The following TASP1 variants were observed in gnomAD, a reference collection of about 807,000 sequenced individuals.
TASP1 encodes threonine aspartase 1.
In TASP1, 16 loss-of-function variants were observed where a neutral mutation model predicts 56.6. The observed-to-expected ratio is 0.28, with a 90% CI of 0.19 to 0.43. The LOEUF is 0.43. Among genes scored for constraint, TASP1 ranks in the 20% least tolerant of loss-of-function variants. The pLI is 1.00. For synonymous variants in TASP1, 179 were observed against 184.2 expected, an observed-to-expected ratio of 0.97 and a Z score of 0.23; for missense variants, 393 against 511.6, an observed-to-expected ratio of 0.77 and a Z score of 2.24.
rs56698233 is a variant in TASP1, at chr20:13,478,374, C to CACAT, written c.985+4852_985+4853insATGT. On this transcript the variant is annotated intron_variant, in intron 11 of 13. Coordinates refer to ENST00000337743, the MANE Select transcript of TASP1 (RefSeq NM_017714.3). ...ACACACACACACACACACACACACA[C>CACAT]GAATACTATTCAGCCACAAAAAAGA... Among the ~76,000 whole-genome samples, 1,189 of 151,520 alleles carry CACAT rather than the reference C, an allele frequency of 7.8e-3. 8 individuals carry two copies. The highest frequency in any genetic ancestry group is 0.011 in the Non-Finnish European group (714 of 67,816).
chr20:13,467,525 A>C (rs554203240), intron 11 of TASP1, among the ~76,000 whole-genome samples: 1 of 152,128 alleles, frequency 6.6e-6, no homozygotes, highest in Non-Finnish European at 1.5e-5. Context: ...ACTAGTTGTC[A>C]GTCAATTGGT....
chr20:13,147,183 C>T, the TASP1 span, among the ~76,000 whole-genome samples: 1 of 152,098 alleles, frequency 6.6e-6, no homozygotes, highest in East Asian at 1.9e-4. Context: ...CTGGAGAGCC[C>T]TTGGAACATG....
At chr20:13,399,890 C>G (rs2041673616) in intron 13 of TASP1, among the ~76,000 whole-genome samples, 1 of 152,254 alleles carries the variant, frequency 6.6e-6, no homozygotes, top group African/African-American at 2.4e-5. Flanking sequence ...TCTCACTGTC[C>G]CTCCAACACA....
the TASP1 span, among the ~76,000 whole-genome samples, chr20:13,157,804 G>A: frequency 0.02 from 3,105 of 152,258 alleles, 53 homozygotes; most frequent in Non-Finnish European, 0.029. Context: ...TTTCTTTGTT[G>A]GAAGTTTATA....
chr20:13,164,574 A>G, the TASP1 span: 9 of 607,938 alleles, frequency 1.5e-5, no homozygotes, highest in South Asian at 1.8e-4. Flanking sequence ...AGCATCTAAC[A>G]TTCCTCTAGG....
At chr20:13,533,879 G>GT in intron 9 of TASP1, 143 bp downstream of exon 9, 1 of 952,396 alleles carries the variant, frequency 1.0e-6, no homozygotes. Context: ...AAGGTATTTG[G>GT]TTGATGATTT....
chr20:13,589,123 T>C (rs2047429285), intron 4 of TASP1, among the ~76,000 whole-genome samples: 1 of 148,424 alleles, frequency 6.7e-6, no homozygotes, highest in Non-Finnish European at 1.5e-5. Context: ...AGTGGTGTGA[T>C]CTCGGCTCAC....
chr20:13,201,012 C>T, the TASP1 span, among the ~76,000 whole-genome samples: 1 of 152,154 alleles, frequency 6.6e-6, no homozygotes, highest in Non-Finnish European at 1.5e-5. Context: ...AGCCAGCTGG[C>T]AGCATAGTTG....
chr20:13,576,002 A>G (rs571764692), intron 6 of TASP1, among the ~76,000 whole-genome samples: 8 of 152,188 alleles, frequency 5.3e-5, no homozygotes, highest in African/African-American at 1.9e-4. Flanking sequence ...ACCTGTGGTC[A>G]GGTGTTCGAG....
intron 11 of TASP1, among the ~76,000 whole-genome samples, chr20:13,481,760 G>T (rs1332781340): frequency 6.6e-6 from 1 of 152,000 alleles, no homozygotes; most frequent in Non-Finnish European, 1.5e-5. Flanking sequence ...CCCATTTTTT[G>T]ATCAGATTAT....
the TASP1 span, among the ~76,000 whole-genome samples, chr20:13,377,447 T>C: frequency 6.6e-6 from 1 of 152,206 alleles, no homozygotes; most frequent in Non-Finnish European, 1.5e-5. Context: ...TGGATAACCT[T>C]TTTGATATGC....
At chr20:13,303,584 T>C in the TASP1 span, among the ~76,000 whole-genome samples, 1 of 152,202 alleles carries the variant, frequency 6.6e-6, no homozygotes, top group Admixed American at 6.5e-5. Context: ...CTGGCATGCA[T>C]AGTCAGGCAA....
chr20:13,564,624 TAATCAAAAC>T, intron 7 of TASP1, among the ~76,000 whole-genome samples: 1 of 150,712 alleles, frequency 6.6e-6, no homozygotes, highest in South Asian at 2.1e-4. Context: ...GGACCCTAAA[TAATCAAAAC>T]AATCTTGGAA....
At chr20:13,439,964 AG>A (rs1431507133) in intron 11 of TASP1, among the ~76,000 whole-genome samples, 1 of 152,114 alleles carries the variant, frequency 6.6e-6, no homozygotes, top group Non-Finnish European at 1.5e-5. Context: ...CTCATGAAAA[AG>A]GGGCCCCACG....
At chr20:13,567,637 G>T (rs1402520201) in intron 7 of TASP1, among the ~76,000 whole-genome samples, 1 of 151,764 alleles carries the variant, frequency 6.6e-6, no homozygotes, top group Non-Finnish European at 1.5e-5. Flanking sequence ...TCCTTCCAAA[G>T]AGAAAAAAAT....
intron 11 of TASP1, among the ~76,000 whole-genome samples, chr20:13,453,675 C>T (rs773377661): frequency 4.6e-5 from 7 of 151,998 alleles, no homozygotes; most frequent in African/African-American, 1.2e-4. Flanking sequence ...CTAGTTATTA[C>T]GTACTATTCA....
At chr20:13,379,013 C>A in the TASP1 span, among the ~76,000 whole-genome samples, 73,045 of 152,024 alleles carry the variant, frequency 0.48, 19,179 homozygotes, top group Non-Finnish European at 0.58. Flanking sequence ...ACTGATAGGT[C>A]TTGACTCTTT....
the TASP1 span, among the ~76,000 whole-genome samples, chr20:13,282,057 C>G: frequency 1.3e-5 from 2 of 152,306 alleles, no homozygotes; most frequent in East Asian, 3.9e-4. Context: ...TCCGTTTGAA[C>G]AAGCCCTCCA....
At chr20:13,267,323 C>T in the TASP1 span, among the ~76,000 whole-genome samples, 10 of 152,276 alleles carry the variant, frequency 6.6e-5, no homozygotes, top group Admixed American at 1.3e-4. Context: ...CAGGGCGGTT[C>T]GGAGAGATGG....
Sources: allele counts gnomAD v4.1 joint callset (sites outside exome capture counted in the v4.1 genomes callset), GRCh38; gene constraint gnomAD v4.1.1; transcripts MANE v1.5; gene names NCBI Gene and HGNC (gene_info 2026-07-23, HGNC 2026-07-21).